NTRK2: variants seen among roughly 807,000 people sequenced by gnomAD.
The protein encoded by NTRK2 is neurotrophic receptor tyrosine kinase 2.
In NTRK2, 13 loss-of-function variants were observed where a neutral mutation model predicts 94.5. The observed-to-expected ratio is 0.14, with a 90% CI of 0.09 to 0.22. The LOEUF (loss-of-function observed/expected upper bound fraction) is 0.22. Among genes scored for constraint, NTRK2 ranks in the 10% least tolerant of loss-of-function variants. The pLI is 1.00. For synonymous variants in NTRK2, 372 were observed against 407.4 expected (o/e 0.91, Z 1.05); for missense variants, 639 against 1,071.2 (o/e 0.60, Z 5.63).
At chr9:84,973,495 G>A (rs1397148633) in intron 17 of NTRK2, among the ~76,000 whole-genome samples, 1 of 152,170 alleles carries the variant, frequency 6.6e-6, no homozygotes, top group Non-Finnish European at 1.5e-5. Flanking sequence ...CCTTGAACAG[G>A]TTCCTCATTC....
At chr9:84,940,166 G>A (rs914508780) in intron 15 of NTRK2, among the ~76,000 whole-genome samples, 1 of 152,206 alleles carries the variant, frequency 6.6e-6, no homozygotes, top group Non-Finnish European at 1.5e-5. Flanking sequence ...ACGTGGGGAA[G>A]TATTGTTTCC....
intron 2 of NTRK2, among the ~76,000 whole-genome samples, chr9:84,693,023 G>C (rs1028151358): frequency 1.3e-5 from 2 of 152,178 alleles, no homozygotes; most frequent in Non-Finnish European, 2.9e-5. Context: ...CACAGCTCGT[G>C]GTTGCCAGGA....
intron 12 of NTRK2, among the ~76,000 whole-genome samples, chr9:84,767,660 G>A (rs1174910086): frequency 2.0e-5 from 3 of 151,988 alleles, no homozygotes; most frequent in Non-Finnish European, 4.4e-5. Context: ...TCTATATTTT[G>A]GAAAATAGTT....
At chr9:85,020,158 C>G (rs201719224) in intron 17 of NTRK2, 48 bp from the exon 18 acceptor site, 74 of 1,610,410 alleles carry the variant, frequency 4.6e-5, no homozygotes, top group Non-Finnish European at 6.0e-5. Flanking sequence ...CCTTCCACAC[C>G]TGGTTTCGGG....
chr9:84,708,361 G>A (rs997034558), intron 5 of NTRK2, among the ~76,000 whole-genome samples: 1 of 152,168 alleles, frequency 6.6e-6, no homozygotes, highest in African/African-American at 2.4e-5. Context: ...AAGGATAGGG[G>A]ACATTGGAGG....
At chr9:84,983,411 G>A (rs1414473999) in intron 17 of NTRK2, among the ~76,000 whole-genome samples, 1 of 152,132 alleles carries the variant, frequency 6.6e-6, no homozygotes, top group Non-Finnish European at 1.5e-5. Flanking sequence ...CTTCCTCTTT[G>A]GGAATTCAGG....
At chr9:84,981,329 T>G (rs560402905) in intron 17 of NTRK2, among the ~76,000 whole-genome samples, 28 of 151,860 alleles carry the variant, frequency 1.8e-4, no homozygotes, top group Admixed American at 1.3e-3. Flanking sequence ...CTTGAACTCC[T>G]GACCTCAAGT....
intron 17 of NTRK2, among the ~76,000 whole-genome samples, chr9:84,987,399 A>G (rs532360153): frequency 1.2e-4 from 19 of 152,350 alleles, no homozygotes; most frequent in African/African-American, 4.1e-4. Flanking sequence ...TCTTTAGTCC[A>G]TGCACAAAGG....
At chr9:84,871,969 A>T (rs201152200) in intron 14 of NTRK2, 3 of 1,575,010 alleles carry the variant, frequency 1.9e-6, no homozygotes, top group Admixed American at 1.8e-5. Context: ...AACCTAGCCA[A>T]GCAAGAAGTT....
intron 17 of NTRK2, among the ~76,000 whole-genome samples, chr9:84,985,151 C>G (rs1446629252): frequency 6.6e-6 from 1 of 152,186 alleles, no homozygotes; most frequent in Non-Finnish European, 1.5e-5. Context: ...TTAGATAAAT[C>G]AGGCAGATAG....
chr9:84,725,231 A>G (rs186631409), intron 8 of NTRK2, among the ~76,000 whole-genome samples: 1 of 152,160 alleles, frequency 6.6e-6, no homozygotes, highest in African/African-American at 2.4e-5. Flanking sequence ...ATGCTGGTTA[A>G]CACTCACTCA....
intron 12 of NTRK2, among the ~76,000 whole-genome samples, chr9:84,785,308 T>C (rs2068013323): frequency 6.6e-6 from 1 of 152,202 alleles, no homozygotes; most frequent in Non-Finnish European, 1.5e-5. Flanking sequence ...AACTATTTGC[T>C]GAAATAGGCT....
At chr9:84,691,426 C>G (rs1666485699) in intron 2 of NTRK2, among the ~76,000 whole-genome samples, 1 of 152,154 alleles carries the variant, frequency 6.6e-6, no homozygotes, top group African/African-American at 2.4e-5. Context: ...CCTACATGCC[C>G]TTTGCTGAAC....
At chr9:84,977,479 A>G (rs1254458959) in intron 17 of NTRK2, among the ~76,000 whole-genome samples, 2 of 152,222 alleles carry the variant, frequency 1.3e-5, no homozygotes, top group East Asian at 1.9e-4. Flanking sequence ...TCCTTGTTCA[A>G]CCTTCACTGG....
chr9:84,752,319 C>G (rs2064702860), intron 12 of NTRK2, among the ~76,000 whole-genome samples: 1 of 152,144 alleles, frequency 6.6e-6, no homozygotes, highest in Non-Finnish European at 1.5e-5. Flanking sequence ...GAACTGGGTT[C>G]TTGAGTATCA....
chr9:85,018,817 C>T (rs1832523727), intron 17 of NTRK2, among the ~76,000 whole-genome samples: 1 of 152,208 alleles, frequency 6.6e-6, no homozygotes, highest in African/African-American at 2.4e-5. Flanking sequence ...CCATTGAACA[C>T]TGATGACCTG....
chr9:84,690,217 T>C (rs982944023), intron 2 of NTRK2, among the ~76,000 whole-genome samples: 4 of 152,192 alleles, frequency 2.6e-5, no homozygotes, highest in African/African-American at 9.7e-5. Context: ...CAGACCTTCA[T>C]AGAGATCCTA....
chr9:84,765,784 A>G (rs1293451156), intron 12 of NTRK2, among the ~76,000 whole-genome samples: 1 of 152,182 alleles, frequency 6.6e-6, no homozygotes, highest in Non-Finnish European at 1.5e-5. Context: ...TCAGGGACTA[A>G]CATTTTAAAT....
At chr9:84,819,893 C>T (rs1342205980) in intron 12 of NTRK2, among the ~76,000 whole-genome samples, 1 of 152,186 alleles carries the variant, frequency 6.6e-6, no homozygotes. Context: ...TGTGGCCCTA[C>T]AATATATCTC....
Sources: gnomAD v4.1 joint callset for allele counts (sites outside exome capture counted in the v4.1 genomes callset) on GRCh38, gnomAD v4.1.1 for gene constraint, MANE v1.5 for transcripts, NCBI Gene and HGNC (gene_info 2026-07-23, HGNC 2026-07-21) for gene names.